CDS1: variants seen among roughly 807,000 people sequenced by gnomAD.
CDS1 encodes the protein phosphatidate cytidylyltransferase 1.
A neutral mutation model predicts 62.1 loss-of-function variants in CDS1; 41 were observed. The observed-to-expected ratio is 0.66, with a 90% CI of 0.51 to 0.86. CDS1 has a LOEUF of 0.86. Ranked by LOEUF, CDS1 falls within the 40% of genes least tolerant of loss-of-function variation. The pLI is 0.00. For missense variants in CDS1, 470 were observed against 550.1 expected (o/e 0.85, Z 1.46); for synonymous variants, 185 against 192.6 (o/e 0.96, Z 0.32).
intron 5 of CDS1, among the ~76,000 whole-genome samples, chr4:84,624,099 G>T (rs1433494026): frequency 6.6e-6 from 1 of 151,574 alleles, no homozygotes; most frequent in Admixed American, 6.6e-5. Flanking sequence ...GTGGAACCCC[G>T]TCTCTACTAA....
chr4:84,631,537 A>G (rs567323123), intron 5 of CDS1, among the ~76,000 whole-genome samples: 20 of 152,358 alleles, frequency 1.3e-4, no homozygotes, highest in African/African-American at 4.6e-4. Context: ...TCTGTTTTCC[A>G]TGCCCACATA....
intron 1 of CDS1, among the ~76,000 whole-genome samples, chr4:84,598,750 T>C (rs1449343854): frequency 6.6e-6 from 1 of 152,196 alleles, no homozygotes; most frequent in Non-Finnish European, 1.5e-5. Flanking sequence ...TGGAAATAGC[T>C]GCTTGCCACT....
intron 1 of CDS1, among the ~76,000 whole-genome samples, chr4:84,593,469 A>G (rs1357676282): frequency 6.6e-6 from 1 of 151,846 alleles, no homozygotes; most frequent in East Asian, 1.9e-4. Flanking sequence ...TGCCCTGAGT[A>G]TACACTCTGA....
chr4:84,629,975 G>C (rs1723970471), intron 5 of CDS1, among the ~76,000 whole-genome samples: 1 of 152,162 alleles, frequency 6.6e-6, no homozygotes. Flanking sequence ...GCTGTGCTGG[G>C]AGAGTCAAGG....
At chr4:84,614,743 AC>A (rs1373792100) in intron 3 of CDS1, among the ~76,000 whole-genome samples, 6 of 152,260 alleles carry the variant, frequency 3.9e-5, no homozygotes, top group Non-Finnish European at 4.4e-5. Context: ...TTTTAAAAAA[AC>A]AAAATTGCAC....
chr4:84,614,276 A>T (rs1192206618), intron 3 of CDS1, among the ~76,000 whole-genome samples: 4 of 152,110 alleles, frequency 2.6e-5, no homozygotes, highest in Admixed American at 6.6e-5. Context: ...TTTTAAAAAA[A>T]AGTTTTGTGT....
At position 84,588,404 on chromosome 4, in the gene CDS1, C is replaced by T. The variant is rs1722481977; in HGVS notation, c.117+4886C>T. Reference sequence around the variant, plus strand: ...GATTTATGTAACCACCCCACAGGTTCTTCTTTCTTGCTGCCCAGATAGAAC... The same window carrying T: ...GATTTATGTAACCACCCCACAGGTTTTTCTTTCTTGCTGCCCAGATAGAAC... On this transcript the variant is annotated intron_variant, in intron 1 of 12. Coordinates refer to ENST00000295887, the MANE Select transcript of CDS1 (RefSeq NM_001263.4). 4.6e-5 allele frequency among the ~76,000 whole-genome samples: 7 copies of T among 152,190 alleles called. No homozygotes were observed. The South Asian group carries it at 1.5e-3, about 32-fold the overall frequency.
At chr4:84,598,699 C>T (rs150992913) in intron 1 of CDS1, among the ~76,000 whole-genome samples, 424 of 152,196 alleles carry the variant, frequency 2.8e-3, no homozygotes, top group African/African-American at 9.4e-3. Context: ...TTTCTAACTT[C>T]GGGGCTCAAG....
At chr4:84,601,305 G>C (rs892795585) in intron 1 of CDS1, among the ~76,000 whole-genome samples, 6 of 152,136 alleles carry the variant, frequency 3.9e-5, no homozygotes, top group African/African-American at 1.4e-4. Context: ...TCTGACCTGA[G>C]TAATTGGTTA....
At chr4:84,636,087 A>G (rs1724201221) in intron 8 of CDS1, among the ~76,000 whole-genome samples, 1 of 151,922 alleles carries the variant, frequency 6.6e-6, no homozygotes, top group Non-Finnish European at 1.5e-5. Context: ...CCATTGGTGC[A>G]GTTCTTCTTT....
In CDS1 at chr4:84,649,350, T is replaced by G. The variant is rs144575057; in HGVS notation, c.*664T>G. The G allele has an allele frequency of 2.8e-4, 42 of 152,328 alleles. No homozygotes were observed. Among genetic ancestry groups the G allele is most frequent in the African/African-American group, 9.9e-4 (41 of 41,568 alleles). 9.4% of individuals were successfully genotyped at this position (152,328 alleles called of 1,614,324 possible). On this transcript the variant is annotated 3_prime_UTR_variant, in exon 13 of 13. Transcript: ENST00000295887. ...GGCATCAGACTACTTCTGATAAAAT[T>G]GTTTGGAAGGTCACGACCTCGCAAA...
At chr4:84,638,579 T>C (rs953047520) in intron 8 of CDS1, among the ~76,000 whole-genome samples, 14 of 152,182 alleles carry the variant, frequency 9.2e-5, no homozygotes, top group Non-Finnish European at 1.8e-4. Context: ...CCAACTATTA[T>C]CAGGTTTTAT....
At chr4:84,609,911 G>T (rs373894591) in intron 3 of CDS1, among the ~76,000 whole-genome samples, 4 of 151,968 alleles carry the variant, frequency 2.6e-5, no homozygotes, top group Non-Finnish European at 5.9e-5. Context: ...CCCAGCTACT[G>T]GGGAGGCTGA....
chr4:84,599,328 T>C (rs1722847066), intron 1 of CDS1, among the ~76,000 whole-genome samples: 1 of 149,062 alleles, frequency 6.7e-6, no homozygotes, highest in African/African-American at 2.5e-5. Flanking sequence ...CACTTCATTG[T>C]ATAATTTGTT....
chr4:84,624,384 C>T (rs1008684830), intron 5 of CDS1, among the ~76,000 whole-genome samples: 1 of 151,640 alleles, frequency 6.6e-6, no homozygotes, highest in African/African-American at 2.4e-5. Flanking sequence ...AAATCCTCCT[C>T]CACCTCAGTG....
At chr4:84,622,572 G>A (rs570115989) in intron 5 of CDS1, among the ~76,000 whole-genome samples, 3 of 152,102 alleles carry the variant, frequency 2.0e-5, no homozygotes, top group Non-Finnish European at 4.4e-5. Context: ...CAGCCTGGGC[G>A]ACAGAGCGAG....
rs771766194 is a variant in CDS1, at chr4:84,583,479, G to C, written c.78G>C (p.Ala26=). The C allele has an allele frequency of 1.9e-6, 3 of 1,559,384 alleles. No individual in the cohort carries two copies. In the South Asian group the frequency reaches 3.5e-5, roughly 18 times the overall value. The part of the protein sequence containing the change: ...AVSPPHREGE[A]AGGDHETEST... ...CGCCGCCACACCGCGAGGGAGAGGC[G>C]GCCGGCGGCGACCACGAAACCGAGA... Residue 26 remains alanine, a synonymous_variant, in exon 1 of 13, where the codon GCG becomes GCC. Transcript: ENST00000295887.
chr4:84,633,995 T>G, intron 7 of CDS1, 56 bp downstream of exon 7: 1 of 990,622 alleles, frequency 1.0e-6, no homozygotes, highest in South Asian at 1.5e-5. Flanking sequence ...TTTATAGTTC[T>G]TTAACGTTGG....
At chr4:84,610,506 G>A (rs776219946) in intron 3 of CDS1, among the ~76,000 whole-genome samples, 7 of 152,108 alleles carry the variant, frequency 4.6e-5, no homozygotes, top group Non-Finnish European at 8.8e-5. Flanking sequence ...TGTAACAAAC[G>A]GTTCCAAGAT....
Sources: allele counts gnomAD v4.1 joint callset (sites outside exome capture counted in the v4.1 genomes callset), GRCh38; gene constraint gnomAD v4.1.1; transcripts MANE v1.5; gene names NCBI Gene and HGNC (gene_info 2026-07-23, HGNC 2026-07-21).